FHDC1: variants seen among roughly 807,000 people sequenced by gnomAD.
FHDC1 encodes the protein FH2 domain-containing protein 1.
In FHDC1, 25 loss-of-function variants were observed where a neutral mutation model predicts 52.6. The observed-to-expected ratio is 0.48, with a 90% confidence interval of 0.35 to 0.66. The LOEUF is 0.66. Ranked by LOEUF, FHDC1 falls within the 30% of genes least tolerant of loss-of-function variation. The pLI is 0.01. For synonymous variants in FHDC1, 616 were observed against 581.5 expected (o/e 1.06, Z -0.85); for missense variants, 1,459 against 1,452.8 (o/e 1.00, Z -0.07).
At position 152,976,500 on chromosome 4, in the gene FHDC1, G is replaced by A. The variant is rs369729815; in HGVS notation, c.3209G>A (p.Arg1070Lys). Residue 1070 changes from arginine (R) to lysine (K), a missense_variant, in exon 12 of 12, where the codon AGG becomes AAG. Transcript: ENST00000511601. The stretch of plus-strand genomic sequence containing the variant: ...CGGACAGTGTCGCAGCGGCAGCTGA[G>A]GGTGAAAGGGGACCCCGAGGATGCC... ...ITRTVSQRQL[R>K]VKGDPEDAAP... 1.9e-6 allele frequency: 3 copies of A among 1,613,344 alleles called. No individual in the cohort carries two copies. The African/African-American group carries it at 4.0e-5, about 22-fold the overall frequency.
chr4:152,974,675 G>A lies in FHDC1; in HGVS notation c.1384G>A (p.Asp462Asn), dbSNP rs1259922298. The A allele has an allele frequency of 4.6e-6, 7 of 1,508,414 alleles. No individual in the cohort carries two copies. The South Asian group carries it at 8.1e-5, about 18-fold the overall frequency. The allele number at this position is 1,508,414 out of a possible 1,614,324, so 93.4% of individuals were successfully genotyped here. A position where few individuals can be genotyped will look rare whatever the true frequency, so the allele number is the denominator to read the frequency against. The change falls in exon 12 of 12, where the codon GAC (aspartate) becomes AAC (asparagine). Residue 462 changes from aspartate (D) to asparagine (N), a missense_variant and splice_region_variant. Around this residue, in one of 3 missense-constraint regions of FHDC1, gnomAD observed 513 missense variants for 581.5 expected, o/e 0.88. Coordinates refer to ENST00000511601, the MANE Select transcript of FHDC1 (RefSeq NM_001371116.1). ...FCTKFNKAVK[D>N]NHDREAQELR... ...CTTCGGGCTTCTCTCCATCCCTCAGGACAACCACGACCGGGAGGCGCAGGA... is the reference window on the plus strand; with the variant it reads ...CTTCGGGCTTCTCTCCATCCCTCAGAACAACCACGACCGGGAGGCGCAGGA...
In FHDC1 at chr4:152,974,769, G is replaced by A; in HGVS notation, c.1478G>A (p.Gly493Glu). Residue 493 changes from glycine (G) to glutamate (E), a missense_variant, in exon 12 of 12, where the codon GGG becomes GAG. Physicochemically the swap from Gly to Glu is moderately conservative, Grantham distance 98 (BLOSUM62 -2). Coordinates refer to ENST00000511601, the MANE Select transcript of FHDC1 (RefSeq NM_001371116.1). ...KQRSWATGEL[G>E]AFGRSSSEND... is the part of the protein sequence containing the mutation. ...CGCTCCTGGGCAACTGGGGAGCTGG[G>A]GGCATTTGGCCGGAGCAGCAGTGAG... 1 of 1,534,430 alleles carries A rather than the reference G, an allele frequency of 6.5e-7. No individual in the cohort carries two copies. Among genetic ancestry groups the A allele is most frequent in the Non-Finnish European group, 8.8e-7 (1 of 1,138,734 alleles).
At chr4:152,944,906 C>T (rs1739682545) in intron 2 of FHDC1, among the ~76,000 whole-genome samples, 1 of 152,194 alleles carries the variant, frequency 6.6e-6, no homozygotes, top group African/African-American at 2.4e-5. Context: ...TGCCCCAGCT[C>T]CCAACAGAGG....
chr4:152,927,485 A>T, the FHDC1 span: 1 of 887,978 alleles, frequency 1.1e-6, no homozygotes, highest in Non-Finnish European at 1.9e-6. Flanking sequence ...TATCAAAAAG[A>T]GGTTTGTGTC....
chr4:152,963,227 G>C, intron 8 of FHDC1, 97 bp downstream of exon 8: 1 of 1,070,750 alleles, frequency 9.3e-7, no homozygotes, highest in Non-Finnish European at 1.4e-6. Context: ...AGCAGGGTTA[G>C]GAAAGGGCAT....
At position 152,975,470 on chromosome 4, in the gene FHDC1, A is replaced by G. The variant is rs1225303101; in HGVS notation, c.2179A>G (p.Met727Val). 1 of 1,613,230 alleles carries G rather than the reference A, an allele frequency of 6.2e-7. No homozygotes were observed. The highest frequency in any genetic ancestry group is 2.2e-5 in the East Asian group (1 of 44,882). The change falls in exon 12 of 12, where the codon ATG becomes GTG. Residue 727 changes from methionine (M) to valine (V), a missense_variant. Around this residue, in one of 3 missense-constraint regions of FHDC1, gnomAD observed 939 missense variants for 854.5 expected, o/e 1.10. Coordinates refer to ENST00000511601, the MANE Select transcript of FHDC1 (RefSeq NM_001371116.1). ...LSASSSSLTPMGRDALGSLSP... is the reference protein window; with the variant it reads ...LSASSSSLTPVGRDALGSLSP... ...TGCCAGCAGCAGCAGCCTGACACCCATGGGCAGAGATGCCCTGGGGAGTCT... is the reference window on the plus strand; with the variant it reads ...TGCCAGCAGCAGCAGCCTGACACCCGTGGGCAGAGATGCCCTGGGGAGTCT...
the FHDC1 span, among the ~76,000 whole-genome samples, chr4:152,925,640 A>T: frequency 1.0e-3 from 153 of 152,204 alleles, no homozygotes; most frequent in Non-Finnish European, 1.7e-3. Flanking sequence ...CTGAGCCCAC[A>T]CTGAATCCTG....
chr4:152,916,961 T>C, the FHDC1 span: 1 of 152,232 alleles, frequency 6.6e-6, no homozygotes, highest in Non-Finnish European at 1.5e-5. Context: ...CTATATTTAC[T>C]ACAGGTATGT....
the FHDC1 span, among the ~76,000 whole-genome samples, chr4:152,914,401 G>C: frequency 1.6e-4 from 25 of 152,328 alleles, 1 homozygote; most frequent in East Asian, 4.8e-3. Flanking sequence ...GTTAAGTGAG[G>C]ACTGTTAGTC....
chr4:152,927,165 T>C, the FHDC1 span, among the ~76,000 whole-genome samples: 2,427 of 152,366 alleles, frequency 0.016, 63 homozygotes, highest in African/African-American at 0.056. Flanking sequence ...AGGGGTTGTA[T>C]AGCCAAGGAA....
In FHDC1 at chr4:152,949,119, A is replaced by G. The variant is rs1169586639; in HGVS notation, c.499-4380A>G. On this transcript the variant is annotated intron_variant, in intron 2 of 11. Transcript: ENST00000511601. The stretch of plus-strand genomic sequence containing the variant: ...TAATAATAATAATAATAATAATAAT[A>G]ATAATAAGAAGAAGAAGAAGAAGAA... Among the ~76,000 whole-genome samples, 76 of 51,574 alleles carry G rather than the reference A, an allele frequency of 1.5e-3. 1 individual carries two copies. The highest frequency in any genetic ancestry group is 4.5e-3 in the African/African-American group (70 of 15,398). The allele number at this position is 51,574 out of a possible 152,430, so 33.8% of individuals were successfully genotyped here. A position where few individuals can be genotyped will look rare whatever the true frequency, so the allele number is the denominator to read the frequency against.
At chr4:152,958,564 G>GT (rs1197913767) in intron 4 of FHDC1, among the ~76,000 whole-genome samples, 1 of 152,084 alleles carries the variant, frequency 6.6e-6, no homozygotes, top group African/African-American at 2.4e-5. Context: ...TTTAGCACAT[G>GT]TTTAATAGAA....
intron 3 of FHDC1, 97 bp downstream of exon 3, chr4:152,953,657 C>T (rs1739994260): frequency 1.0e-6 from 1 of 987,202 alleles, no homozygotes; most frequent in Admixed American, 1.9e-5. Context: ...TTCCTCACAC[C>T]TTCAAATCCT....
chr4:152,969,258 C>T (rs1256234199), intron 10 of FHDC1, among the ~76,000 whole-genome samples: 2 of 152,194 alleles, frequency 1.3e-5, no homozygotes, highest in African/African-American at 2.4e-5. Context: ...GAAGCCTTCG[C>T]TTCTTAATTC....
At chr4:152,973,554 C>T (rs922401275) in intron 11 of FHDC1, among the ~76,000 whole-genome samples, 1 of 152,232 alleles carries the variant, frequency 6.6e-6, no homozygotes, top group Non-Finnish European at 1.5e-5. Context: ...CTGTGTGATG[C>T]TCTCAGCCCC....
rs753783811 is a variant in FHDC1, at chr4:152,943,374, C to A, written c.317C>A (p.Pro106Gln). Residue 106 changes from proline to glutamine, a missense_variant, in exon 2 of 12, where the codon CCG (proline) becomes CAG (glutamine). Transcript: ENST00000511601. Reference sequence around the variant, plus strand: ...AGAAGCTTTTTTTGGAAAACTATTCCGGAGGAGCAAGTTCGAGGCAAAACC... The same window carrying A: ...AGAAGCTTTTTTTGGAAAACTATTCAGGAGGAGCAAGTTCGAGGCAAAACC... Reference protein sequence around the residue: ...RMRSFFWKTIPEEQVRGKTNI... With the variant: ...RMRSFFWKTIQEEQVRGKTNI... The A allele has an allele frequency of 1.2e-5, 20 of 1,613,342 alleles. No individual in the cohort carries two copies. The highest frequency in any genetic ancestry group is 1.4e-5 in the Non-Finnish European group (17 of 1,179,870).
intron 4 of FHDC1, among the ~76,000 whole-genome samples, chr4:152,960,360 T>G (rs1182484775): frequency 1.3e-5 from 2 of 152,238 alleles, no homozygotes; most frequent in Non-Finnish European, 2.9e-5. Context: ...GCTAGCTCTT[T>G]GCTTTCAAAT....
chr4:152,958,810 A>T (rs571971543), intron 4 of FHDC1, among the ~76,000 whole-genome samples: 16 of 152,232 alleles, frequency 1.1e-4, no homozygotes, highest in Non-Finnish European at 2.2e-4. Context: ...CAGAAGTGCC[A>T]TGTGCCCTTA....
At chr4:152,967,795 G>T (rs1440641886) in intron 9 of FHDC1, among the ~76,000 whole-genome samples, 185 bp from the exon 10 acceptor site, 1 of 152,186 alleles carries the variant, frequency 6.6e-6, no homozygotes, top group Non-Finnish European at 1.5e-5. Context: ...TATGTCTTTA[G>T]AAACGAATCA....
Sources: allele counts gnomAD v4.1 joint callset (sites outside exome capture counted in the v4.1 genomes callset), GRCh38; gene constraint gnomAD v4.1.1; regional missense constraint gnomAD v4.1.1; transcripts MANE v1.5; gene names NCBI Gene and HGNC (gene_info 2026-07-23, HGNC 2026-07-21).